The following SLC22A3 variants were observed in gnomAD, a reference collection of about 807,000 sequenced individuals.
The protein encoded by SLC22A3 is solute carrier family 22 member 3.
A neutral mutation model predicts 59.1 loss-of-function variants in SLC22A3; 51 were observed. That is an observed-to-expected ratio of 0.86 (90% CI 0.69 to 1.09). SLC22A3 has a LOEUF of 1.09. Among genes scored for constraint, SLC22A3 ranks in the 50% least tolerant of loss-of-function variants. The pLI is 0.00. For missense variants in SLC22A3, 711 were observed against 726.3 expected (o/e 0.98, Z 0.24); for synonymous variants, 325 against 292.0 (o/e 1.11, Z -1.15).
intron 1 of SLC22A3, among the ~76,000 whole-genome samples, chr6:160,374,393 A>G (rs1785513620): frequency 6.6e-6 from 1 of 152,148 alleles, no homozygotes; most frequent in South Asian, 2.1e-4. Context: ...AAATGCAGAA[A>G]TCACCCACCT....
intron 5 of SLC22A3, among the ~76,000 whole-genome samples, chr6:160,427,079 C>A (rs2114895795): frequency 6.6e-6 from 1 of 152,244 alleles, no homozygotes; most frequent in South Asian, 2.1e-4. Context: ...TCAGGACTCT[C>A]CCAGCAGGCA....
At chr6:160,384,210 G>T (rs993050672) in intron 1 of SLC22A3, among the ~76,000 whole-genome samples, 13 of 152,194 alleles carry the variant, frequency 8.5e-5, no homozygotes, top group Admixed American at 8.5e-4. Context: ...ACCACGCCTG[G>T]CTCAAATACT....
intron 1 of SLC22A3, among the ~76,000 whole-genome samples, chr6:160,375,452 A>G (rs181914037): frequency 6.6e-6 from 1 of 151,420 alleles, no homozygotes; most frequent in African/African-American, 2.4e-5. Context: ...TAGCCCCCCC[A>G]CCACCCTCCA....
At chr6:160,406,957 A>T in intron 2 of SLC22A3, 84 bp from the exon 3 acceptor site, 1 of 1,448,308 alleles carries the variant, frequency 6.9e-7, no homozygotes. Flanking sequence ...ATAATATGGT[A>T]TGATATAATA....
chr6:160,409,058 A>G (rs375951051), intron 4 of SLC22A3, 137 bp downstream of exon 4: 1 of 682,856 alleles, frequency 1.5e-6, no homozygotes, highest in South Asian at 2.0e-5. Flanking sequence ...TTTAGGGTAC[A>G]TGTGCACATT....
At chr6:160,399,580 G>A (rs1039061755) in intron 2 of SLC22A3, among the ~76,000 whole-genome samples, 36 of 152,276 alleles carry the variant, frequency 2.4e-4, no homozygotes, top group Non-Finnish European at 3.4e-4. Context: ...GAGGAGCCAT[G>A]AATAACTCTG....
chr6:160,358,959 A>T lies in SLC22A3; in HGVS notation c.429+10111A>T, dbSNP rs140078298. 3.7e-3 allele frequency among the ~76,000 whole-genome samples: 558 copies of T among 152,304 alleles called. 1 individual carries two copies. The highest frequency in any genetic ancestry group is 4.2e-3 in the Non-Finnish European group (285 of 68,034). ...CTCAGCTGTGGGGCTGCAGGGCTTG[A>T]ACTCCATCGCATGTTTTCTCATGAG... On this transcript the variant is annotated intron_variant, in intron 1 of 10. Coordinates refer to ENST00000275300, the MANE Select transcript of SLC22A3 (RefSeq NM_021977.4).
Position 160,382,044 on chromosome 6 carries a change from G to A in SLC22A3, c.430-15935G>A, listed in dbSNP as rs796718771. On this transcript the variant is annotated intron_variant, in intron 1 of 10. Transcript: ENST00000275300. ...CTATAATTTTTAAATGTGAAAGCAG[G>A]CAATATTATCTTGTAGGTATTGTAT... 2.0e-4 allele frequency among the ~76,000 whole-genome samples: 30 copies of A among 152,212 alleles called. 1 individual carries two copies. Among genetic ancestry groups the A allele is most frequent in the African/African-American group, 7.0e-4 (29 of 41,518 alleles).
chr6:160,440,941 A>G (rs1788515722), intron 7 of SLC22A3, among the ~76,000 whole-genome samples: 1 of 152,004 alleles, frequency 6.6e-6, no homozygotes, highest in South Asian at 2.1e-4. Context: ...TTAACCACAT[A>G]TGTTTATCAT....
intron 1 of SLC22A3, among the ~76,000 whole-genome samples, chr6:160,361,922 C>T (rs1189509114): frequency 1.3e-5 from 2 of 152,206 alleles, no homozygotes; most frequent in Non-Finnish European, 2.9e-5. Context: ...CCTTCTAATA[C>T]TAGGTCAGTT....
chr6:160,381,452 GA>G (rs1202758935), intron 1 of SLC22A3, among the ~76,000 whole-genome samples: 1 of 152,204 alleles, frequency 6.6e-6, no homozygotes, highest in African/African-American at 2.4e-5. Flanking sequence ...AGAATACTGG[GA>G]AAAGTGTGAG....
chr6:160,398,834 A>T (rs949925581), intron 2 of SLC22A3, among the ~76,000 whole-genome samples: 1 of 152,310 alleles, frequency 6.6e-6, no homozygotes, highest in East Asian at 1.9e-4. Context: ...TTGCTGACTC[A>T]TGGCTGTATC....
At chr6:160,368,018 G>A (rs1372026108) in intron 1 of SLC22A3, among the ~76,000 whole-genome samples, 1 of 151,954 alleles carries the variant, frequency 6.6e-6, no homozygotes, top group Non-Finnish European at 1.5e-5. Context: ...ACCACTCCCA[G>A]TACATGCTGC....
intron 1 of SLC22A3, 146 bp from the exon 2 acceptor site, chr6:160,397,833 A>C (rs896910778): frequency 8.7e-6 from 6 of 691,656 alleles, no homozygotes; most frequent in Admixed American, 3.9e-5. Context: ...GTTAATGTAA[A>C]CATACGTATG....
At chr6:160,360,532 T>C (rs1711551036) in intron 1 of SLC22A3, among the ~76,000 whole-genome samples, 1 of 152,176 alleles carries the variant, frequency 6.6e-6, no homozygotes, top group African/African-American at 2.4e-5. Flanking sequence ...TCTCTCAGTT[T>C]CTCTTTATTA....
intron 10 of SLC22A3, among the ~76,000 whole-genome samples, chr6:160,448,470 GATAA>G (rs1029555596): frequency 1.9e-4 from 29 of 152,160 alleles, no homozygotes; most frequent in African/African-American, 4.6e-4. Context: ...GATACAGATA[GATAA>G]ATAGACAGGT....
chr6:160,349,188 G>A (rs3004079), intron 1 of SLC22A3: 34,929 of 574,086 alleles, frequency 0.061, 1,284 homozygotes, highest in Admixed American at 0.1. Flanking sequence ...TCTTTGAGGT[G>A]TGCGGGCGCC....
rs745921768 is a variant in SLC22A3 at position 160,408,882 on chromosome 6, C to A, written c.818C>A (p.Ala273Asp). 3.1e-6 allele frequency: 5 copies of A among 1,613,760 alleles called. No individual in the cohort carries two copies. The Admixed American group carries it at 8.3e-5, about 27-fold the overall frequency. Reference protein sequence around the residue: ...FIPNWQGIQLAITLPSFLFLL... With the variant: ...FIPNWQGIQLDITLPSFLFLL... Reference sequence around the variant, plus strand: ...CCCAACTGGCAAGGAATCCAGTTAGCCATCACGCTGCCCAGCTTTCTCTTC... The same window carrying A: ...CCCAACTGGCAAGGAATCCAGTTAGACATCACGCTGCCCAGCTTTCTCTTC... The change falls in exon 4 of 11, where the codon GCC (alanine) becomes GAC (aspartate). Residue 273 changes from alanine to aspartate, a missense_variant. By Grantham distance (126) the Ala-to-Asp change is moderately radical. Transcript: ENST00000275300.
intron 1 of SLC22A3, among the ~76,000 whole-genome samples, chr6:160,397,756 TG>T (rs1281213443): frequency 6.7e-6 from 1 of 150,074 alleles, no homozygotes; most frequent in Non-Finnish European, 1.5e-5. Context: ...AAAAGAACGA[TG>T]TTATAACAAC....
Sources: gnomAD v4.1 joint callset for allele counts (sites outside exome capture counted in the v4.1 genomes callset) on GRCh38, gnomAD v4.1.1 for gene constraint, MANE v1.5 for transcripts, NCBI Gene and HGNC (gene_info 2026-07-23, HGNC 2026-07-21) for gene names.